The following IRF8 variants were observed in gnomAD, a reference collection of about 807,000 sequenced individuals.
The protein encoded by IRF8 is interferon consensus sequence binding protein 1.
A neutral mutation model predicts 48.7 loss-of-function variants in IRF8; 14 were observed. The ratio of observed to expected loss-of-function variants is 0.29; its 90% CI spans 0.19 to 0.45. The LOEUF is 0.45. IRF8 is among the 20% of genes least tolerant of loss of function. IRF8 has a pLI of 1.00. For missense variants in IRF8, 493 were observed against 580.7 expected, an observed-to-expected ratio of 0.85 and a Z score of 1.55; for synonymous variants, 278 against 227.3, an observed-to-expected ratio of 1.22 and a Z score of -2.01.
intron 8 of IRF8, among the ~76,000 whole-genome samples, chr16:85,920,860 T>C (rs913694972): frequency 8.5e-5 from 13 of 152,198 alleles, no homozygotes; most frequent in Non-Finnish European, 5.9e-5. Flanking sequence ...CCTTATTTCA[T>C]GTAGTCAAGG....
At chr16:85,918,281 A>T (rs938161560) in intron 6 of IRF8, 136 bp from the exon 7 acceptor site, 1 of 992,622 alleles carries the variant, frequency 1.0e-6, no homozygotes, top group African/African-American at 1.6e-5. Flanking sequence ...CAGTACATGG[A>T]TTTCCCCAGA....
At chr16:85,911,719 C>G in intron 4 of IRF8, 61 bp downstream of exon 4, 1 of 1,413,578 alleles carries the variant, frequency 7.1e-7, no homozygotes. Flanking sequence ...TGTCTTCTGG[C>G]AGGGAGGGGC....
chr16:85,901,553 G>T (rs1319717611), intron 1 of IRF8, among the ~76,000 whole-genome samples: 9 of 152,186 alleles, frequency 5.9e-5, no homozygotes, highest in African/African-American at 2.2e-4. Context: ...AGGAGTTCCA[G>T]GCTGCCGCGA....
At chr16:85,911,408 C>T (rs934740889) in intron 3 of IRF8, among the ~76,000 whole-genome samples, 162 bp from the exon 4 acceptor site, 4 of 152,218 alleles carry the variant, frequency 2.6e-5, no homozygotes, top group African/African-American at 9.6e-5. Context: ...GATCAGATGA[C>T]TGAAGCATGG....
intron 2 of IRF8, 57 bp from the exon 3 acceptor site, chr16:85,908,932 CG>C: frequency 7.0e-7 from 1 of 1,433,628 alleles, no homozygotes; most frequent in African/African-American, 1.4e-5. Flanking sequence ...GTCATGGTGA[CG>C]GATATTTGTG....
chr16:85,916,923 A>C, intron 6 of IRF8, among the ~76,000 whole-genome samples: 1 of 152,152 alleles, frequency 6.6e-6, no homozygotes, highest in African/African-American at 2.4e-5. Context: ...TCTAGGATTC[A>C]GTTTCCTGAA....
rs542970905 is a variant in IRF8 at position 85,906,111 on chromosome 16, G to A, written c.175-2879G>A. On this transcript the variant is annotated intron_variant, in intron 2 of 8. Transcript: ENST00000268638. ...ATGATTCATGGTTATTCCAGGCATC[G>A]TAACAGTCCTGAATGAGTTAAAGCT... Among the ~76,000 whole-genome samples the A allele has an allele frequency of 7.2e-5, 11 of 152,294 alleles. No homozygotes were observed. In the East Asian group the frequency reaches 1.2e-3, roughly 16 times the overall value.
chr16:85,904,989 T>G (rs11642583), intron 2 of IRF8, among the ~76,000 whole-genome samples: 24,017 of 151,942 alleles, frequency 0.16, 2,040 homozygotes, highest in African/African-American at 0.21. Context: ...TGGGCAATTC[T>G]TTGTTGTAAG....
In IRF8 at chr16:85,915,999, A is replaced by G. The variant is rs1245598013; in HGVS notation, c.601+1479A>G. On this transcript the variant is annotated intron_variant, in intron 6 of 8. Transcript: ENST00000268638. ...TGGGTATAATAATAATCTACCTTAC[A>G]GGGTTAAATGTGCTGGTAGGTCCCA... is the stretch of plus-strand genomic sequence containing the variant. Among the ~76,000 whole-genome samples the G allele has an allele frequency of 2.0e-5, 3 of 151,744 alleles. No individual in the cohort carries two copies. The East Asian group carries it at 5.8e-4, about 29-fold the overall frequency.
intron 3 of IRF8, chr16:85,909,958 C>T (rs1015305617): frequency 1.3e-5 from 2 of 152,254 alleles, no homozygotes; most frequent in Non-Finnish European, 2.9e-5. Flanking sequence ...CCCACTCTGG[C>T]TTTCTCCTTC....
chr16:85,909,152 G>A lies in IRF8; in HGVS notation c.337G>A (p.Val113Ile). The A allele has an allele frequency of 6.2e-7, 1 of 1,614,194 alleles. No individual in the cohort carries two copies. The highest frequency in any genetic ancestry group is 8.5e-7 in the Non-Finnish European group (1 of 1,180,034). ...CGAGCCATACAAAGTTTACCGAATT[G>A]TTCCTGAGGAAGAGCAAAAATGTAA... The part of the protein sequence containing the change: ...ISEPYKVYRI[V>I]PEEEQKCKLG... Residue 113 changes from valine (V) to isoleucine (I), a missense_variant, in exon 3 of 9, where the codon GTT becomes ATT. Physicochemically the swap from Val to Ile is conservative, Grantham distance 29 (BLOSUM62 3). Around this residue, in one of 3 missense-constraint regions of IRF8, gnomAD observed 408 missense variants for 449.6 expected, o/e 0.91. Coordinates refer to ENST00000268638, the MANE Select transcript of IRF8 (RefSeq NM_002163.4).
chr16:85,900,060 T>C (rs1597247612), intron 1 of IRF8, among the ~76,000 whole-genome samples: 1 of 152,230 alleles, frequency 6.6e-6, no homozygotes, highest in African/African-American at 2.4e-5. Flanking sequence ...TTACGGCAGC[T>C]TCCTCTATGA....
At chr16:85,907,761 A>AT (rs1200046383) in intron 2 of IRF8, among the ~76,000 whole-genome samples, 5 of 152,352 alleles carry the variant, frequency 3.3e-5, no homozygotes, top group African/African-American at 1.2e-4. Flanking sequence ...CCCAGTGAGA[A>AT]TCTTGAGGGG....
intron 7 of IRF8, 102 bp downstream of exon 7, chr16:85,918,905 A>T (rs1905430170): frequency 9.6e-6 from 14 of 1,455,600 alleles, no homozygotes; most frequent in South Asian, 5.8e-5. Context: ...TCATGGAGGG[A>T]TGTGGAGGAG....
chr16:85,905,378 G>A (rs1440514112), intron 2 of IRF8, among the ~76,000 whole-genome samples: 1 of 152,302 alleles, frequency 6.6e-6, no homozygotes, highest in East Asian at 1.9e-4. Flanking sequence ...ATGAAATAAA[G>A]CCCCAGATTT....
chr16:85,920,563 C>T (rs918215605), intron 8 of IRF8, among the ~76,000 whole-genome samples: 4 of 152,094 alleles, frequency 2.6e-5, no homozygotes, highest in South Asian at 4.1e-4. Flanking sequence ...AGCCCTGCAT[C>T]CAGGTCTCCT....
intron 1 of IRF8, chr16:85,900,907 A>G (rs1034275184): frequency 1.4e-5 from 2 of 146,338 alleles, no homozygotes; most frequent in African/African-American, 5.5e-5. Flanking sequence ...TGTACTAACA[A>G]AATTTTGCTT....
At chr16:85,904,117 G>C (rs1904915683) in intron 2 of IRF8, among the ~76,000 whole-genome samples, 1 of 152,238 alleles carries the variant, frequency 6.6e-6, no homozygotes, top group Admixed American at 6.5e-5. Flanking sequence ...TTCACCTCTG[G>C]GAGATTCGGA....
Position 85,903,029 on chromosome 16 carries a change from A to T in IRF8, c.14A>T (p.Asn5Ile). ...GTCTTTCCAAGGATGTGTGACCGGA[A>T]TGGTGGTCGGCGGCTTCGACAGTGG... MCDR[N>I]GGRRLRQWLI... Residue 5 changes from asparagine (N) to isoleucine (I), a missense_variant, in exon 2 of 9, where the codon AAT becomes ATT. Physicochemically the swap from Asn to Ile is moderately radical, Grantham distance 149. Transcript: ENST00000268638. The T allele has an allele frequency of 6.2e-7, 1 of 1,614,146 alleles. No individual in the cohort carries two copies. Among genetic ancestry groups the T allele is most frequent in the Non-Finnish European group, 8.5e-7 (1 of 1,179,994 alleles).
Sources: allele counts gnomAD v4.1 joint callset (sites outside exome capture counted in the v4.1 genomes callset), GRCh38; gene constraint gnomAD v4.1.1; regional missense constraint gnomAD v4.1.1; transcripts MANE v1.5; gene names NCBI Gene and HGNC (gene_info 2026-07-23, HGNC 2026-07-21).